DMXL1: variants seen among roughly 807,000 people sequenced by gnomAD.
The protein encoded by DMXL1 is Dmx like 1.
Under a neutral mutation model 319.2 loss-of-function variants are expected in DMXL1, and 99 were observed. The ratio of observed to expected loss-of-function variants is 0.31; its 90% CI spans 0.26 to 0.37. The LOEUF (loss-of-function observed/expected upper bound fraction) is 0.37, where lower values mean the gene tolerates loss of function less well. Among genes scored for constraint, DMXL1 ranks in the 10% least tolerant of loss-of-function variants. The pLI, the probability that DMXL1 is intolerant of heterozygous loss-of-function variation, is 1.00. For missense variants in DMXL1, 3,745 were observed against 3,595.6 expected (o/e 1.04, Z -1.06); for synonymous variants, 1,385 against 1,235.2 (o/e 1.12, Z -2.54).
rs921249194 is a variant in DMXL1 at position 119,178,029 on chromosome 5, C to A, written c.6920C>A (p.Ser2307Tyr). ...ITCLIRLLNSSGEEAQSGLTV... is the reference protein window; with the variant it reads ...ITCLIRLLNSYGEEAQSGLTV... Reference sequence around the variant, plus strand: ...TGTCTAATTCGACTTTTGAATTCTTCTGGCGAGGAAGCCCAGTCAGGGCTT... The same window carrying A: ...TGTCTAATTCGACTTTTGAATTCTTATGGCGAGGAAGCCCAGTCAGGGCTT... Residue 2307 changes from serine (S) to tyrosine (Y), a missense_variant, in exon 28 of 44, where the codon TCT (serine) becomes TAT (tyrosine). This residue lies in a region of DMXL1 where 1,382 missense variants were observed against 1,269.5 expected (regional missense o/e 1.09). Transcript: ENST00000539542. The A allele has an allele frequency of 6.2e-7, 1 of 1,609,732 alleles. No homozygotes were observed. Among genetic ancestry groups the A allele is most frequent in the Non-Finnish European group, 8.5e-7 (1 of 1,177,578 alleles).
chr5:119,077,330 T>G (rs1182046320), intron 1 of DMXL1, among the ~76,000 whole-genome samples: 1 of 152,188 alleles, frequency 6.6e-6, no homozygotes, highest in African/African-American at 2.4e-5. Flanking sequence ...GATAAGCCAG[T>G]GCTGCTATTA....
At chr5:119,095,241 C>G (rs1156499216) in intron 1 of DMXL1, among the ~76,000 whole-genome samples, 1 of 152,060 alleles carries the variant, frequency 6.6e-6, no homozygotes, top group Non-Finnish European at 1.5e-5. Flanking sequence ...GAGAAAAAGT[C>G]AAATAGTAGT....
At chr5:119,169,970 A>G (rs888641720) in intron 23 of DMXL1, among the ~76,000 whole-genome samples, 3 of 152,196 alleles carry the variant, frequency 2.0e-5, no homozygotes, top group African/African-American at 4.8e-5. Flanking sequence ...ACTTGTTTCA[A>G]TGGGAAAGCA....
At chr5:119,156,980 G>T (rs6882572) in intron 19 of DMXL1, among the ~76,000 whole-genome samples, 11,456 of 150,656 alleles carry the variant, frequency 0.076, 494 homozygotes, top group Middle Eastern at 0.15. Flanking sequence ...GTCTTCATTT[G>T]AGAAATATCT....
At chr5:119,202,885 TTATATATATATATATATATATTTA>T (rs1781021575) in intron 32 of DMXL1, among the ~76,000 whole-genome samples, 1 of 130,792 alleles carries the variant, frequency 7.6e-6, no homozygotes, top group Non-Finnish European at 1.6e-5. Flanking sequence ...ATATATATTT[TTATATATATATATATATATATTTA>T]TATATTTTTA....
chr5:119,239,243 A>G (rs1788315403), intron 41 of DMXL1, among the ~76,000 whole-genome samples, 163 bp downstream of exon 41: 1 of 152,152 alleles, frequency 6.6e-6, no homozygotes, highest in African/African-American at 2.4e-5. Context: ...CCCCACCCCC[A>G]AAAGCTGTGG....
Position 119,181,208 on chromosome 5 carries a change from T to C in DMXL1, c.7135+2964T>C, listed in dbSNP as rs1259153272. Among the ~76,000 whole-genome samples, 4 of 152,186 alleles carry C rather than the reference T, an allele frequency of 2.6e-5. No individual in the cohort carries two copies. The East Asian group carries it at 7.7e-4, about 29-fold the overall frequency. The stretch of plus-strand genomic sequence containing the variant: ...GTCATAAGCTGTATCCTACCACTTA[T>C]TTAACCCCAAGTAAAAAATAAAGTG... On this transcript the variant is annotated intron_variant, in intron 28 of 43. Coordinates refer to ENST00000539542, the MANE Select transcript of DMXL1 (RefSeq NM_001290321.3).
chr5:119,184,658 T>C (rs1287248067), intron 28 of DMXL1, among the ~76,000 whole-genome samples: 1 of 152,186 alleles, frequency 6.6e-6, no homozygotes, highest in East Asian at 1.9e-4. Flanking sequence ...CTTCATACAA[T>C]CCCTGGTAAT....
At chr5:119,075,678 T>G (rs1331970386) in intron 1 of DMXL1, among the ~76,000 whole-genome samples, 1 of 152,160 alleles carries the variant, frequency 6.6e-6, no homozygotes. Flanking sequence ...GCCTTTTTCC[T>G]TGTTAATTTC....
intron 28 of DMXL1, among the ~76,000 whole-genome samples, chr5:119,185,978 C>T (rs975596375): frequency 1.3e-5 from 2 of 152,080 alleles, no homozygotes; most frequent in Non-Finnish European, 1.5e-5. Flanking sequence ...ATTTGTAGTT[C>T]TCAAACTTTT....
At chr5:119,176,955 A>T (rs1216915411) in intron 26 of DMXL1, among the ~76,000 whole-genome samples, 2 of 152,168 alleles carry the variant, frequency 1.3e-5, no homozygotes, top group Admixed American at 1.3e-4. Context: ...TTATGGGGAC[A>T]GAGACATTGT....
rs1299946007 is a variant in DMXL1, at chr5:119,077,672, ATATG to A, written c.87+6018_87+6021del. On this transcript the variant is annotated intron_variant, in intron 1 of 43. Transcript: ENST00000539542. ...TTTTTGTATATGTGTGTGTGTATAT[ATATG>A]TGTGTGTGTGTGTGTGTGTATGTGT... 1.0e-3 allele frequency among the ~76,000 whole-genome samples: 131 copies of A among 127,080 alleles called. 1 individual carries two copies. Among genetic ancestry groups the A allele is most frequent in the African/African-American group, 4.2e-3 (125 of 29,456 alleles). The allele number at this position is 127,080 out of a possible 152,430, so 83.4% of individuals were successfully genotyped here.
Position 119,123,119 on chromosome 5 carries a change from A to G in DMXL1, c.1102+1980A>G, listed in dbSNP as rs534659527. Among the ~76,000 whole-genome samples, 371 of 152,206 alleles carry G rather than the reference A, an allele frequency of 2.4e-3. 5 individuals are homozygous for G. The highest frequency in any genetic ancestry group is 3.7e-3 in the Non-Finnish European group (252 of 68,002). ...AGCTGGAGACCGGCCCGGCCAACAC[A>G]GCGAAATCCCGTCTCCACCAAAAAA... On this transcript the variant is annotated intron_variant, in intron 9 of 43. Coordinates refer to ENST00000539542, the MANE Select transcript of DMXL1 (RefSeq NM_001290321.3).
At position 119,105,390 on chromosome 5, in the gene DMXL1, T is replaced by C. The variant is rs1354411838; in HGVS notation, c.364+132T>C. The C allele has an allele frequency of 7.5e-6, 5 of 663,390 alleles. No homozygotes were observed. In the East Asian group the frequency reaches 1.4e-4, roughly 19 times the overall value. The allele number at this position is 663,390 out of a possible 1,614,324, so 41.1% of individuals were successfully genotyped here. ...AATACCAAAGAAGTAAAATGGATTATGCCCTTTTAGAGTTTATACTGAAAT... is the reference window on the plus strand; with the variant it reads ...AATACCAAAGAAGTAAAATGGATTACGCCCTTTTAGAGTTTATACTGAAAT... On this transcript the variant is annotated intron_variant, in intron 4 of 43. Coordinates refer to ENST00000539542, the MANE Select transcript of DMXL1 (RefSeq NM_001290321.3).
intron 36 of DMXL1, among the ~76,000 whole-genome samples, 163 bp downstream of exon 36, chr5:119,220,756 TGA>T (rs1351228780): frequency 1.3e-5 from 2 of 152,142 alleles, no homozygotes; most frequent in East Asian, 1.9e-4. Context: ...ATAAGGGAAC[TGA>T]GAGAAGAGTA....
intron 4 of DMXL1, among the ~76,000 whole-genome samples, chr5:119,108,284 CT>C (rs1259497782): frequency 6.6e-6 from 1 of 152,134 alleles, no homozygotes; most frequent in Admixed American, 6.5e-5. Context: ...TTATTGTCAG[CT>C]TTTTTGCCAA....
intron 28 of DMXL1, among the ~76,000 whole-genome samples, chr5:119,179,220 G>T (rs1396662247): frequency 1.3e-5 from 2 of 149,962 alleles, no homozygotes; most frequent in African/African-American, 2.5e-5. Context: ...GGCATGAGGA[G>T]TAGCTTTATT....
chr5:119,233,023 T>G, intron 38 of DMXL1, among the ~76,000 whole-genome samples: 1 of 151,828 alleles, frequency 6.6e-6, no homozygotes, highest in South Asian at 2.1e-4. Flanking sequence ...TTTCTTATAA[T>G]GAGTAATATA....
At chr5:119,209,785 A>G (rs912424560) in intron 34 of DMXL1, among the ~76,000 whole-genome samples, 4 of 152,116 alleles carry the variant, frequency 2.6e-5, no homozygotes, top group South Asian at 2.1e-4. Flanking sequence ...CCATTTGTCT[A>G]TCTTTCTGCA....
Sources: allele counts gnomAD v4.1 joint callset (sites outside exome capture counted in the v4.1 genomes callset), GRCh38; gene constraint gnomAD v4.1.1; regional missense constraint gnomAD v4.1.1; transcripts MANE v1.5; gene names NCBI Gene and HGNC (gene_info 2026-07-23, HGNC 2026-07-21).